EML1: variants seen among roughly 807,000 people sequenced by gnomAD.
EML1 encodes EMAP like 1.
A neutral mutation model predicts 110.4 loss-of-function variants in EML1; 27 were observed. The ratio of observed to expected loss-of-function variants is 0.24; its 90% CI spans 0.18 to 0.34. The LOEUF (loss-of-function observed/expected upper bound fraction) is 0.34, where lower values mean the gene tolerates loss of function less well. Ranked by LOEUF, EML1 falls within the 10% of genes least tolerant of loss-of-function variation. The pLI, the probability that EML1 is intolerant of heterozygous loss-of-function variation, is 1.00. For synonymous variants in EML1, 344 were observed against 385.8 expected (o/e 0.89, Z 1.27); for missense variants, 741 against 1,030.9 (o/e 0.72, Z 3.85).
chr14:99,793,045 C>T (rs1181527278), upstream of EML1: 2 of 151,888 alleles, frequency 1.3e-5, no homozygotes, highest in African/African-American at 4.8e-5. Flanking sequence ...TGGTCTTTGT[C>T]CCCGCGCCCC....
chr14:99,810,906 A>G (rs2058064566), intron 1 of EML1, among the ~76,000 whole-genome samples: 1 of 152,250 alleles, frequency 6.6e-6, no homozygotes, highest in Non-Finnish European at 1.5e-5. Flanking sequence ...CCACATACAT[A>G]TACATGTATC....
intron 8 of EML1, among the ~76,000 whole-genome samples, chr14:99,899,085 C>T (rs189766815): frequency 1.3e-5 from 2 of 152,236 alleles, no homozygotes; most frequent in South Asian, 4.2e-4. Flanking sequence ...ATTTTGCAAG[C>T]ACTTCAGCAA....
At chr14:99,930,755 G>T (rs1042576511) in intron 17 of EML1, among the ~76,000 whole-genome samples, 9 of 152,120 alleles carry the variant, frequency 5.9e-5, no homozygotes, top group African/African-American at 2.2e-4. Context: ...CTTTTTTAAA[G>T]AACAGAAATA....
intron 17 of EML1, among the ~76,000 whole-genome samples, chr14:99,930,285 G>A (rs754721681): frequency 7.9e-5 from 12 of 152,236 alleles, no homozygotes; most frequent in Non-Finnish European, 1.6e-4. Context: ...CAACAGGCAG[G>A]CCCAGGTTTC....
chr14:99,931,806 A>G (rs1294665823), intron 17 of EML1, among the ~76,000 whole-genome samples: 1 of 152,216 alleles, frequency 6.6e-6, no homozygotes, highest in African/African-American at 2.4e-5. Flanking sequence ...GAATGTAGGT[A>G]AAAGAGCTAG....
chr14:99,767,054 C>T (rs532898977), intron 1 of EML1, among the ~76,000 whole-genome samples: 7 of 152,192 alleles, frequency 4.6e-5, no homozygotes, highest in African/African-American at 9.7e-5. Context: ...ATTTTTCCAT[C>T]GCCATGGTGA....
At chr14:99,890,183 T>G (rs762597313) in intron 4 of EML1, among the ~76,000 whole-genome samples, 2 of 152,184 alleles carry the variant, frequency 1.3e-5, no homozygotes, top group African/African-American at 2.4e-5. Flanking sequence ...TTTAAGGCAC[T>G]ATGGTGCCTT....
At chr14:99,832,151 G>T (rs893164874) in intron 1 of EML1, among the ~76,000 whole-genome samples, 3 of 151,970 alleles carry the variant, frequency 2.0e-5, no homozygotes, top group Non-Finnish European at 4.4e-5. Context: ...CTATTTTCTG[G>T]CTGCTTTCAC....
intron 1 of EML1, among the ~76,000 whole-genome samples, chr14:99,766,823 C>A (rs934906498): frequency 6.6e-6 from 1 of 152,202 alleles, no homozygotes; most frequent in African/African-American, 2.4e-5. Context: ...TAATAAATGA[C>A]CAATGCTTTT....
At chr14:99,752,348 T>C (rs985662534) in intron 1 of EML1, among the ~76,000 whole-genome samples, 1 of 152,006 alleles carries the variant, frequency 6.6e-6, no homozygotes, top group Non-Finnish European at 1.5e-5. Flanking sequence ...TCAGACACAC[T>C]CATCACCAAC....
At chr14:99,856,198 C>T (rs563438342) in intron 2 of EML1, among the ~76,000 whole-genome samples, 24 of 152,280 alleles carry the variant, frequency 1.6e-4, no homozygotes, top group Admixed American at 9.8e-4. Context: ...CCCCAGGGCC[C>T]GGCTGGCATG....
At chr14:99,929,731 G>A (rs962876472) in intron 17 of EML1, among the ~76,000 whole-genome samples, 3 of 152,116 alleles carry the variant, frequency 2.0e-5, no homozygotes, top group Non-Finnish European at 2.9e-5. Flanking sequence ...GAAAGCATTC[G>A]ATGCCCAAAC....
At chr14:99,808,687 G>C (rs2058022375) in intron 1 of EML1, among the ~76,000 whole-genome samples, 1 of 152,216 alleles carries the variant, frequency 6.6e-6, no homozygotes, top group East Asian at 1.9e-4. Context: ...TTTGCTGAGA[G>C]ATGATACAGT....
chr14:99,796,157 A>T (rs2057766708), intron 1 of EML1, among the ~76,000 whole-genome samples: 1 of 150,162 alleles, frequency 6.7e-6, no homozygotes, highest in South Asian at 2.1e-4. Context: ...ACTGTACTAC[A>T]GCCTGGGTGA....
chr14:99,811,687 T>C (rs1030107410), intron 1 of EML1, among the ~76,000 whole-genome samples: 3 of 145,976 alleles, frequency 2.1e-5, no homozygotes, highest in African/African-American at 7.6e-5. Flanking sequence ...GGCACGAACC[T>C]ATAGTCCCAG....
At chr14:99,908,377 C>T (rs184353056) in intron 10 of EML1, among the ~76,000 whole-genome samples, 15 of 152,204 alleles carry the variant, frequency 9.9e-5, no homozygotes, top group African/African-American at 3.4e-4. Context: ...TTTATAGACT[C>T]GAATTCAGAT....
rs559434237 is a variant in EML1 at position 99,872,388 on chromosome 14, C to T, written c.384-6097C>T. ...CCATCGTGTTATATCTAAGTGTGTACGTGTGTGTGCTAGCACTTAAATGGT... is the reference window on the plus strand; with the variant it reads ...CCATCGTGTTATATCTAAGTGTGTATGTGTGTGTGCTAGCACTTAAATGGT... On this transcript the variant is annotated intron_variant, in intron 3 of 21. Coordinates refer to ENST00000262233, the MANE Select transcript of EML1 (RefSeq NM_004434.3). Among the ~76,000 whole-genome samples the T allele has an allele frequency of 7.9e-5, 12 of 152,222 alleles. No individual in the cohort carries two copies. In the East Asian group the frequency reaches 1.9e-3, roughly 25 times the overall value.
intron 1 of EML1, among the ~76,000 whole-genome samples, chr14:99,800,506 C>T (rs2057855521): frequency 6.6e-6 from 1 of 152,082 alleles, no homozygotes; most frequent in African/African-American, 2.4e-5. Flanking sequence ...GGACTATAGG[C>T]ATGCGCCACC....
At chr14:99,869,326 T>C (rs1372160060) in intron 3 of EML1, among the ~76,000 whole-genome samples, 2 of 152,192 alleles carry the variant, frequency 1.3e-5, no homozygotes, top group Non-Finnish European at 2.9e-5. Context: ...TCAGTGATCT[T>C]TGGTGTTAAT....
Sources: gnomAD v4.1 joint callset for allele counts (sites outside exome capture counted in the v4.1 genomes callset) on GRCh38, gnomAD v4.1.1 for gene constraint, MANE v1.5 for transcripts, NCBI Gene and HGNC (gene_info 2026-07-23, HGNC 2026-07-21) for gene names.